SEPTIN6: variants seen among roughly 807,000 people sequenced by gnomAD.
SEPTIN6 encodes septin-6.
SEPTIN6 carries 8 observed loss-of-function variants against 33.6 expected under a neutral mutation model. The observed-to-expected ratio is 0.24, with a 90% CI of 0.14 to 0.43. The LOEUF (loss-of-function observed/expected upper bound fraction) is 0.43. Ranked by LOEUF, SEPTIN6 falls within the 20% of genes least tolerant of loss-of-function variation. The probability of loss-of-function intolerance (pLI) is 1.00; values close to 1 mark genes in which losing one functional copy is unlikely to be tolerated. For synonymous variants in SEPTIN6, 131 were observed against 140.0 expected, an observed-to-expected ratio of 0.94 and a Z score of 0.45; for missense variants, 250 against 340.8, an observed-to-expected ratio of 0.73 and a Z score of 2.10.
Position 119,619,701 on chromosome X carries a change from A to G in SEPTIN6, c.*392T>C. 1 of 929,324 alleles carries G rather than the reference A, an allele frequency of 1.1e-6. No individual in the cohort carries two copies. Among genetic ancestry groups the G allele is most frequent in the Non-Finnish European group, 1.3e-6 (1 of 749,385 alleles). 76.6% of individuals were successfully genotyped at this position (929,324 alleles called of 1,213,427 possible). On this transcript the variant is annotated 3_prime_UTR_variant, in exon 11 of 11. Coordinates refer to ENST00000394610, the MANE Select transcript of SEPTIN6 (RefSeq NM_145799.4). Reference sequence around the variant, plus strand: ...ATGGTGGTTGCAAATACCTCAGGGAAACTAACAGCAACCAGAACTGGAACA... The same window carrying G: ...ATGGTGGTTGCAAATACCTCAGGGAGACTAACAGCAACCAGAACTGGAACA...
At chrX:119,659,754 A>C (rs1019373132) in intron 3 of SEPTIN6, among the ~76,000 whole-genome samples, 1 of 111,899 alleles carries the variant, frequency 8.9e-6, no homozygotes, top group Non-Finnish European at 1.9e-5. Flanking sequence ...CTGGGCTAAA[A>C]AGACAGCAAG....
At chrX:119,638,685 A>G (rs1319948050) in intron 6 of SEPTIN6, among the ~76,000 whole-genome samples, 2 of 111,820 alleles carry the variant, frequency 1.8e-5, no homozygotes, top group African/African-American at 6.5e-5. Context: ...CCCTGCTGTC[A>G]TAGAACACAG....
intron 5 of SEPTIN6, chrX:119,646,796 T>C (rs763713722): frequency 3.1e-6 from 1 of 318,607 alleles, no homozygotes; most frequent in Non-Finnish European, 6.7e-6. Flanking sequence ...AAATCCAAAA[T>C]GAAAGACCAG....
At chrX:119,640,303 G>A (rs932559806) in intron 6 of SEPTIN6, among the ~76,000 whole-genome samples, 2 of 109,187 alleles carry the variant, frequency 1.8e-5, no homozygotes, top group South Asian at 7.8e-4. Context: ...ACAGGCGTGA[G>A]CCACTGTGCC....
downstream of SEPTIN6, chrX:119,616,285 C>A (rs896660108): frequency 1.0e-5 from 3 of 297,142 alleles, no homozygotes; most frequent in African/African-American, 7.9e-5. Context: ...AAATGTTTAA[C>A]AGTGGCTGTA....
Position 119,619,245 on chromosome X carries a change from T to C in SEPTIN6, c.*848A>G. On this transcript the variant is annotated 3_prime_UTR_variant, in exon 11 of 11. Coordinates refer to ENST00000394610, the MANE Select transcript of SEPTIN6 (RefSeq NM_145799.4). ...CCTTATTGGGACAGTATGGAGCCCT[T>C]CCGGAAATTACCCCCCGAGATGCTG... 3 of 817,800 alleles carry C rather than the reference T, an allele frequency of 3.7e-6. No individual in the cohort carries two copies. The highest frequency in any genetic ancestry group is 4.4e-6 in the Non-Finnish European group (3 of 679,237). The allele number at this position is 817,800 out of a possible 1,213,427, so 67.4% of individuals were successfully genotyped here.
intron 5 of SEPTIN6, among the ~76,000 whole-genome samples, chrX:119,644,408 C>A (rs760290907): frequency 0.066 from 6,933 of 104,658 alleles, 347 homozygotes; most frequent in African/African-American, 0.16. Flanking sequence ...GAAATTTATT[C>A]AAAAAAAAAA....
In SEPTIN6 at chrX:119,693,091, A is replaced by G. The variant is rs1422993500; in HGVS notation, c.15T>C (p.Asp5=). The G allele has an allele frequency of 8.5e-7, 1 of 1,172,343 alleles. No homozygotes were observed. The highest frequency in any genetic ancestry group is 3.2e-5 in the East Asian group (1 of 31,239). Residue 5 remains aspartate (D), a synonymous_variant, in exon 1 of 11, where the codon GAT becomes GAC. Coordinates refer to ENST00000394610, the MANE Select transcript of SEPTIN6 (RefSeq NM_145799.4). ...CTGCACTTACCACCTGGCGAGCTAT[A>G]TCGGTCGCTGCCATCGCTCCTGCGT... is the stretch of plus-strand genomic sequence containing the variant. The part of the protein sequence containing the change: MAAT[D]IARQVGEGCR...
intron 8 of SEPTIN6, among the ~76,000 whole-genome samples, chrX:119,632,907 C>T (rs779841362): frequency 8.9e-6 from 1 of 112,776 alleles, no homozygotes; most frequent in Non-Finnish European, 1.9e-5. Context: ...GGATTACAGG[C>T]GTGAGCCACA....
chrX:119,652,125 T>C (rs2054361106), intron 4 of SEPTIN6, among the ~76,000 whole-genome samples: 1 of 112,029 alleles, frequency 8.9e-6, no homozygotes, highest in Non-Finnish European at 1.9e-5. Flanking sequence ...GATTTCGCCA[T>C]GTTGGCCAGG....
rs2053719086 is a variant in SEPTIN6 at position 119,619,835 on chromosome X, T to C, written c.*258A>G. 1.9e-6 allele frequency: 2 copies of C among 1,057,770 alleles called. No individual in the cohort carries two copies. Among genetic ancestry groups the C allele is most frequent in the Admixed American group, 4.2e-5 (1 of 23,599 alleles). 87.2% of individuals were successfully genotyped at this position (1,057,770 alleles called of 1,213,427 possible). On this transcript the variant is annotated 3_prime_UTR_variant, in exon 11 of 11. Coordinates refer to ENST00000394610, the MANE Select transcript of SEPTIN6 (RefSeq NM_145799.4). ...TGGCTGGGGGTGCTGGGAGGGGGACTGGGATGCAGGATGCATCTGCGAGCC... is the reference window on the plus strand; with the variant it reads ...TGGCTGGGGGTGCTGGGAGGGGGACCGGGATGCAGGATGCATCTGCGAGCC...
intron 1 of SEPTIN6, among the ~76,000 whole-genome samples, chrX:119,681,203 C>T (rs2054953173): frequency 9.0e-6 from 1 of 110,806 alleles, no homozygotes; most frequent in South Asian, 3.8e-4. Context: ...GGAAGTTTCT[C>T]CCCTCCTCTC....
Position 119,650,057 on chromosome X carries a change from C to T in SEPTIN6, c.570G>A (p.Ser190=), listed in dbSNP as rs780576827. The T allele has an allele frequency of 5.0e-6, 6 of 1,211,298 alleles. No individual in the cohort carries two copies. The highest frequency in any genetic ancestry group is 6.7e-6 in the Non-Finnish European group (6 of 895,302). The change falls in exon 5 of 11, where the codon TCG becomes TCA. Residue 190 remains serine (S), a synonymous_variant. Transcript: ENST00000394610. ...IPIIAKADAI[S]KSELTKFKIK... Reference sequence around the variant, plus strand: ...TTTTGAACTTTGTTAGCTCACTCTTCGAAATGGCATCTGCTTTGGCAATGA... The same window carrying T: ...TTTTGAACTTTGTTAGCTCACTCTTTGAAATGGCATCTGCTTTGGCAATGA...
chrX:119,636,963 C>T, intron 7 of SEPTIN6, 64 bp downstream of exon 7: 1 of 1,147,593 alleles, frequency 8.7e-7, no homozygotes, highest in African/African-American at 1.8e-5. Context: ...GGGAAGGCTT[C>T]CACACCACCT....
chrX:119,676,300 C>CA (rs1006292928), intron 1 of SEPTIN6, among the ~76,000 whole-genome samples: 5 of 106,592 alleles, frequency 4.7e-5, no homozygotes, highest in South Asian at 4.1e-4. Flanking sequence ...CTGTCTCTAC[C>CA]AAAAAAAACA....
chrX:119,680,737 C>T (rs1430406927), intron 1 of SEPTIN6, among the ~76,000 whole-genome samples: 1 of 109,250 alleles, frequency 9.2e-6, no homozygotes, highest in Non-Finnish European at 1.9e-5. Context: ...AATCCCAGCA[C>T]TTTGGGAGGC....
chrX:119,649,465 G>A (rs773739791), intron 5 of SEPTIN6, among the ~76,000 whole-genome samples: 1 of 95,850 alleles, frequency 1.0e-5, no homozygotes, highest in South Asian at 5.2e-4. Flanking sequence ...TCTAGCCTGG[G>A]CAATGGAATG....
At chrX:119,647,455 C>T (rs1433463075) in intron 5 of SEPTIN6, among the ~76,000 whole-genome samples, 4 of 88,686 alleles carry the variant, frequency 4.5e-5, no homozygotes, top group Admixed American at 1.3e-4. Flanking sequence ...TATTTACTTT[C>T]TTTTTCTTTC....
chrX:119,670,860 C>A (rs749232841), intron 2 of SEPTIN6, among the ~76,000 whole-genome samples: 1 of 108,614 alleles, frequency 9.2e-6, no homozygotes, highest in Non-Finnish European at 1.9e-5. Flanking sequence ...ATTGCTTGAA[C>A]CCGGGAGGTG....
Sources: allele counts gnomAD v4.1 joint callset (sites outside exome capture counted in the v4.1 genomes callset), GRCh38; gene constraint gnomAD v4.1.1; transcripts MANE v1.5; gene names NCBI Gene and HGNC (gene_info 2026-07-23, HGNC 2026-07-21).